The following HDAC9 variants were observed in gnomAD, a reference collection of about 807,000 sequenced individuals.
HDAC9 encodes the protein MEF-2 interacting transcription repressor (MITR) protein.
In HDAC9, 41 loss-of-function variants were observed where a neutral mutation model predicts 139.4. The observed-to-expected ratio is 0.29, with a 90% CI of 0.23 to 0.38. The LOEUF is 0.38. Among genes scored for constraint, HDAC9 ranks in the 10% least tolerant of loss-of-function variants. The probability of loss-of-function intolerance (pLI) is 1.00; values close to 1 mark genes in which losing one functional copy is unlikely to be tolerated. For synonymous variants in HDAC9, 517 were observed against 476.2 expected (o/e 1.09, Z -1.12); for missense variants, 1,147 against 1,297.0 (o/e 0.88, Z 1.78).
intron 2 of HDAC9, among the ~76,000 whole-genome samples, chr7:18,248,571 T>G (rs1794712355): frequency 6.6e-6 from 1 of 152,236 alleles, no homozygotes; most frequent in Non-Finnish European, 1.5e-5. Context: ...GTCTCATTCC[T>G]TCTCGCATGC....
Position 18,585,269 on chromosome 7 carries a change from C to G in HDAC9, c.23-12C>G, listed in dbSNP as rs1317050835. ...TCCCCCACCCCATTTCCCTTTTTTT[C>G]TGGTTCTTTAGTGGATGTGAAGTCA... is the stretch of plus-strand genomic sequence containing the variant. On this transcript the variant is annotated splice_polypyrimidine_tract_variant and intron_variant, in intron 2 of 25. Transcript: ENST00000686413. The G allele has an allele frequency of 1.4e-4, 181 of 1,272,264 alleles. No homozygotes were observed. The highest frequency in any genetic ancestry group is 5.6e-4 in the East Asian group (16 of 28,696). 78.8% of individuals were successfully genotyped at this position (1,272,264 alleles called of 1,614,324 possible).
intron 21 of HDAC9, among the ~76,000 whole-genome samples, chr7:18,854,665 GA>G (rs959006124): frequency 1.9e-4 from 28 of 151,178 alleles, no homozygotes; most frequent in African/African-American, 6.1e-4. Context: ...GATGCTAAAA[GA>G]AAAAAATACT....
At chr7:18,665,790 T>G (rs184537326) in intron 11 of HDAC9, among the ~76,000 whole-genome samples, 8 of 152,268 alleles carry the variant, frequency 5.3e-5, no homozygotes, top group Admixed American at 4.6e-4. Context: ...CGTTTAACAT[T>G]CGTTGAAAAA....
intron 11 of HDAC9, among the ~76,000 whole-genome samples, chr7:18,653,257 A>AC (rs1789969373): frequency 6.6e-6 from 1 of 151,354 alleles, no homozygotes; most frequent in African/African-American, 2.4e-5. Context: ...AAAAAAAAAA[A>AC]CCAGTAATAC....
At chr7:18,261,867 A>C (rs1042626609) in intron 2 of HDAC9, among the ~76,000 whole-genome samples, 6 of 152,254 alleles carry the variant, frequency 3.9e-5, no homozygotes, top group Non-Finnish European at 5.9e-5. Context: ...CTAAACATAA[A>C]ATCATACAAC....
At chr7:18,887,168 A>C (rs1800231202) in intron 22 of HDAC9, among the ~76,000 whole-genome samples, 1 of 152,200 alleles carries the variant, frequency 6.6e-6, no homozygotes, top group Non-Finnish European at 1.5e-5. Context: ...CTGGAGAGTC[A>C]CTATGGACTA....
At chr7:18,311,900 G>C (rs56168840) in intron 1 of HDAC9, among the ~76,000 whole-genome samples, 1 of 152,102 alleles carries the variant, frequency 6.6e-6, no homozygotes, top group Admixed American at 6.5e-5. Context: ...TTGTAAAGAG[G>C]CTGATGGAGA....
At chr7:18,943,198 G>T (rs1174932388) in intron 23 of HDAC9, among the ~76,000 whole-genome samples, 1 of 151,968 alleles carries the variant, frequency 6.6e-6, no homozygotes, top group African/African-American at 2.4e-5. Context: ...TACACATACA[G>T]CCCTGAACGA....
chr7:18,828,165 C>A (rs1795592457), intron 17 of HDAC9, among the ~76,000 whole-genome samples: 1 of 152,030 alleles, frequency 6.6e-6, no homozygotes, highest in Admixed American at 6.6e-5. Context: ...TTAGTTTTCT[C>A]AATATTTTTA....
chr7:18,329,501 T>C (rs1800740035), intron 1 of HDAC9, among the ~76,000 whole-genome samples: 1 of 151,554 alleles, frequency 6.6e-6, no homozygotes, highest in South Asian at 2.1e-4. Context: ...AAGTGTCGGC[T>C]TAAGAGTGAA....
chr7:18,569,850 G>T (rs1251362754), intron 2 of HDAC9, among the ~76,000 whole-genome samples: 1 of 151,664 alleles, frequency 6.6e-6, no homozygotes, highest in African/African-American at 2.4e-5. Flanking sequence ...TAATGCACAG[G>T]GAACCTAAAA....
intron 1 of HDAC9, among the ~76,000 whole-genome samples, chr7:18,389,367 C>A (rs1164577006): frequency 6.6e-6 from 1 of 152,214 alleles, no homozygotes. Context: ...GACAGCACAG[C>A]AGCTCTCCTG....
At chr7:18,408,324 A>AGAAT (rs1255437692) in intron 1 of HDAC9, among the ~76,000 whole-genome samples, 1 of 152,182 alleles carries the variant, frequency 6.6e-6, no homozygotes, top group African/African-American at 2.4e-5. Flanking sequence ...ATGAAGGAAG[A>AGAAT]GAATGAATGA....
At chr7:18,120,007 G>T (rs144453396) in intron 1 of HDAC9, among the ~76,000 whole-genome samples, 13 of 152,302 alleles carry the variant, frequency 8.5e-5, no homozygotes, top group African/African-American at 2.9e-4. Context: ...TGGGAAGTTT[G>T]AAATGTGAAT....
intron 13 of HDAC9, among the ~76,000 whole-genome samples, chr7:18,732,890 T>TGTGC (rs1786376229): frequency 9.1e-6 from 1 of 109,604 alleles, no homozygotes; most frequent in South Asian, 2.9e-4. Flanking sequence ...TGTGCGTATG[T>TGTGC]GTACACACAC....
chr7:18,726,558 G>GT (rs1016829490), intron 12 of HDAC9, among the ~76,000 whole-genome samples: 7 of 152,186 alleles, frequency 4.6e-5, no homozygotes, highest in African/African-American at 1.7e-4. Context: ...AGAGTATTAT[G>GT]TTTTTTACCA....
Position 18,644,643 on chromosome 7 carries a change from T to A in HDAC9, c.913-28T>A, listed in dbSNP as rs549841198. 1.2e-5 allele frequency: 19 copies of A among 1,594,356 alleles called. No homozygotes were observed. In the East Asian group the frequency reaches 1.4e-4, roughly 11 times the overall value. On this transcript the variant is annotated intron_variant, in intron 8 of 25. Coordinates refer to ENST00000686413, the MANE Select transcript of HDAC9 (RefSeq NM_178425.4). ...CAGTAAAATTTGTGATACTGTGGTA[T>A]TTTGAGACTCTCCTCTTTTTTTAAC...
At chr7:18,796,292 A>G (rs1194832524) in intron 17 of HDAC9, among the ~76,000 whole-genome samples, 1 of 152,210 alleles carries the variant, frequency 6.6e-6, no homozygotes, top group Admixed American at 6.5e-5. Context: ...AAAAAATTGT[A>G]TGACTTGGAA....
chr7:19,001,418 G>A lies in HDAC9; in HGVS notation c.*5356G>A, dbSNP rs1786742161. 1 of 151,960 alleles carries A rather than the reference G, an allele frequency of 6.6e-6. No homozygotes were observed. The highest frequency in any genetic ancestry group is 2.4e-5 in the African/African-American group (1 of 41,378). 9.4% of individuals were successfully genotyped at this position (151,960 alleles called of 1,614,324 possible). A position where few individuals can be genotyped will look rare whatever the true frequency, so the allele number is the denominator to read the frequency against. ...AGTTCACTGTTTCCTGGGACATTGT[G>A]GTCATGTCCTTAATCCTTCATTGTG... is the stretch of plus-strand genomic sequence containing the variant. On this transcript the variant is annotated 3_prime_UTR_variant, in exon 26 of 26. Coordinates refer to ENST00000686413, the MANE Select transcript of HDAC9 (RefSeq NM_178425.4).
Sources: allele counts gnomAD v4.1 joint callset (sites outside exome capture counted in the v4.1 genomes callset), GRCh38; gene constraint gnomAD v4.1.1; transcripts MANE v1.5; gene names NCBI Gene and HGNC (gene_info 2026-07-23, HGNC 2026-07-21).